The following MRPS25 variants were observed in gnomAD, a reference collection of about 807,000 sequenced individuals.
The protein encoded by MRPS25 is small ribosomal subunit protein mS25.
In MRPS25, 15 loss-of-function variants were observed where a neutral mutation model predicts 17.3. That is an observed-to-expected ratio of 0.87 (90% CI 0.58 to 1.34). The LOEUF (loss-of-function observed/expected upper bound fraction) is 1.34. Among genes scored for constraint, MRPS25 ranks in the 40% most tolerant of loss-of-function variants. The probability of loss-of-function intolerance (pLI) is 0.00; values close to 1 mark genes in which losing one functional copy is unlikely to be tolerated. For missense variants in MRPS25, 225 were observed against 218.6 expected, an observed-to-expected ratio of 1.03 and a Z score of -0.19; for synonymous variants, 94 against 83.3, an observed-to-expected ratio of 1.13 and a Z score of -0.70.
Position 15,050,751 on chromosome 3 carries a change from C to A in MRPS25, c.*1690G>T, listed in dbSNP as rs1037695236. On this transcript the variant is annotated 3_prime_UTR_variant, in exon 4 of 4. Transcript: ENST00000253686. ...CAAGGAACACCTGTCCATTATACATCAGTCTCTGCCCACCTTCCCCTCCCA... is the reference window on the plus strand; with the variant it reads ...CAAGGAACACCTGTCCATTATACATAAGTCTCTGCCCACCTTCCCCTCCCA... 3 of 985,348 alleles carry A rather than the reference C, an allele frequency of 3.0e-6. No homozygotes were observed. The African/African-American group carries it at 5.2e-5, about 17-fold the overall frequency. The allele number at this position is 985,348 out of a possible 1,614,324, so 61.0% of individuals were successfully genotyped here.
In MRPS25 at chr3:15,050,788, C is replaced by CCAT. The variant is rs1459244349; in HGVS notation, c.*1650_*1652dup. On this transcript the variant is annotated 3_prime_UTR_variant, in exon 4 of 4. Transcript: ENST00000253686. ...ACCTTCCCCTCCCACCCCCGACAAGCCATCACCCCAAACCCAGATCTGGTA... is the reference window on the plus strand; with the variant it reads ...ACCTTCCCCTCCCACCCCCGACAAGCCATCATCACCCCAAACCCAGATCTGGTA... 1 of 985,320 alleles carries CCAT rather than the reference C, an allele frequency of 1.0e-6. No individual in the cohort carries two copies. Among genetic ancestry groups the CCAT allele is most frequent in the African/African-American group, 1.7e-5 (1 of 57,226 alleles). 61.0% of individuals were successfully genotyped at this position (985,320 alleles called of 1,614,324 possible).
At chr3:15,061,658 C>T (rs1228989258) in intron 1 of MRPS25, among the ~76,000 whole-genome samples, 9 of 152,048 alleles carry the variant, frequency 5.9e-5, no homozygotes, top group Admixed American at 1.3e-4. Context: ...AAGTGAGGAG[C>T]GTCTCTGCCT....
intron 1 of MRPS25, among the ~76,000 whole-genome samples, chr3:15,060,084 T>C (rs1470738737): frequency 6.6e-6 from 1 of 151,958 alleles, no homozygotes; most frequent in Non-Finnish European, 1.5e-5. Flanking sequence ...TATCGTCCTG[T>C]ACAAAATTTG....
At chr3:15,058,984 T>G (rs2042708605) in intron 2 of MRPS25, among the ~76,000 whole-genome samples, 1 of 151,372 alleles carries the variant, frequency 6.6e-6, no homozygotes, top group African/African-American at 2.4e-5. Flanking sequence ...CAGGGAAGGC[T>G]TCCTAGAAGT....
chr3:15,043,297 G>GTTT (rs2042335740), downstream of MRPS25: 1 of 220,052 alleles, frequency 4.5e-6, no homozygotes, highest in Admixed American at 5.5e-5. Flanking sequence ...AAAAAAAAAG[G>GTTT]TTTTATAATG....
At position 15,060,660 on chromosome 3, in the gene MRPS25, A is replaced by G. The variant is rs2042740356; in HGVS notation, c.135-1185T>C. Among the ~76,000 whole-genome samples the G allele has an allele frequency of 2.6e-5, 4 of 152,080 alleles. No homozygotes were observed. In the South Asian group the frequency reaches 8.3e-4, roughly 32 times the overall value. ...CACTTTGGGAGGCCGAGGCGGGTGGATCACGAGGTCAGGAGATCGAGACCA... is the reference window on the plus strand; with the variant it reads ...CACTTTGGGAGGCCGAGGCGGGTGGGTCACGAGGTCAGGAGATCGAGACCA... On this transcript the variant is annotated intron_variant, in intron 1 of 3. Transcript: ENST00000253686.
At chr3:15,060,710 G>A (rs1028505937) in intron 1 of MRPS25, among the ~76,000 whole-genome samples, 12 of 151,854 alleles carry the variant, frequency 7.9e-5, no homozygotes, top group Admixed American at 5.9e-4. Flanking sequence ...GTGAAATGCC[G>A]TCTCTACTAA....
At chr3:15,061,773 C>T (rs556135784) in intron 1 of MRPS25, among the ~76,000 whole-genome samples, 3 of 150,468 alleles carry the variant, frequency 2.0e-5, no homozygotes, top group African/African-American at 4.9e-5. Flanking sequence ...ATGTGGGGAG[C>T]GCCTTTGCCC....
rs1404566095 is a variant in MRPS25, at chr3:15,051,110, TAA to T, written c.*1329_*1330del. On this transcript the variant is annotated 3_prime_UTR_variant, in exon 4 of 4. Coordinates refer to ENST00000253686, the MANE Select transcript of MRPS25 (RefSeq NM_022497.5). ...TTAACCACTGCCTTCCTGTCTCAGA[TAA>T]AGTCAGGTCTCCTTGGCTGAGTTTC... is the stretch of plus-strand genomic sequence containing the variant. The T allele has an allele frequency of 1.0e-6, 1 of 985,410 alleles. No individual in the cohort carries two copies. The highest frequency in any genetic ancestry group is 1.2e-6 in the Non-Finnish European group (1 of 829,912). 61.0% of individuals were successfully genotyped at this position (985,410 alleles called of 1,614,324 possible).
At chr3:15,054,287 A>G (rs1351952350) in intron 2 of MRPS25, among the ~76,000 whole-genome samples, 2 of 152,268 alleles carry the variant, frequency 1.3e-5, no homozygotes, top group African/African-American at 4.8e-5. Context: ...TGTAAGGTCA[A>G]TTGCTTTTCA....
rs772569104 is a variant in MRPS25, at chr3:15,048,981, A to AAATTT, written c.*3459_*3460insAAATT. 2.6e-5 allele frequency: 4 copies of AAATTT among 152,680 alleles called. No individual in the cohort carries two copies. Among genetic ancestry groups the AAATTT allele is most frequent in the Non-Finnish European group, 5.9e-5 (4 of 68,048 alleles). 9.5% of individuals were successfully genotyped at this position (152,680 alleles called of 1,614,324 possible). ...GCCATTACATTTTAATGCCAGGTTT[A>AAATTT]AAACCTGTTGAAAGCTGCAGCTTTA... On this transcript the variant is annotated 3_prime_UTR_variant, in exon 4 of 4. Transcript: ENST00000253686.
chr3:15,061,561 C>A (rs1487734722), intron 1 of MRPS25, among the ~76,000 whole-genome samples: 1 of 152,210 alleles, frequency 6.6e-6, no homozygotes, highest in African/African-American at 2.4e-5. Flanking sequence ...GATCTCGGCT[C>A]GCTATAGCCT....
chr3:15,050,018 TATAAA>T lies in MRPS25; in HGVS notation c.*2418_*2422del. On this transcript the variant is annotated 3_prime_UTR_variant, in exon 4 of 4. Transcript: ENST00000253686. Reference sequence around the variant, plus strand: ...GTAAAATTAAGAACATGTTATCAATTATAAAATCCTCACATTTTCTCTAATTAATT... The same window carrying T: ...GTAAAATTAAGAACATGTTATCAATTATCCTCACATTTTCTCTAATTAATT... 1 of 1,464,792 alleles carries T rather than the reference TATAAA, an allele frequency of 6.8e-7. No individual in the cohort carries two copies. 90.7% of individuals were successfully genotyped at this position (1,464,792 alleles called of 1,614,324 possible).
chr3:15,058,909 CAG>C (rs60028127), intron 2 of MRPS25, among the ~76,000 whole-genome samples: 1,668 of 152,070 alleles, frequency 0.011, 32 homozygotes, highest in African/African-American at 0.037. Context: ...ACGCAGTCCT[CAG>C]AGGACACACA....
chr3:15,056,159 G>A (rs2042670655), intron 2 of MRPS25, among the ~76,000 whole-genome samples: 2 of 151,232 alleles, frequency 1.3e-5, no homozygotes, highest in Admixed American at 6.6e-5. Context: ...AGCTTGCAGT[G>A]AGCCGAGATC....
rs1235887399 is a variant in MRPS25 at position 15,061,865 on chromosome 3, A to G, written c.135-2390T>C. 1.7e-4 allele frequency among the ~76,000 whole-genome samples: 25 copies of G among 143,202 alleles called. 2 individuals carry two copies. Among genetic ancestry groups the G allele is most frequent in the South Asian group, 1.6e-3 (7 of 4,420 alleles). 93.9% of individuals were successfully genotyped at this position (143,202 alleles called of 152,430 possible). On this transcript the variant is annotated intron_variant, in intron 1 of 3. Transcript: ENST00000253686. ...AGGTGAGGAGCATCTCTGCCCAGCC[A>G]CCCCGTCTGAGAAGGGAGGAGACCC...
At chr3:15,056,609 G>C (rs2042676891) in intron 2 of MRPS25, among the ~76,000 whole-genome samples, 1 of 152,174 alleles carries the variant, frequency 6.6e-6, no homozygotes, top group Non-Finnish European at 1.5e-5. Context: ...CTTTGAAGAT[G>C]GTAGAATAAG....
At chr3:15,053,280 G>A in intron 3 of MRPS25, 100 bp downstream of exon 3, 1 of 1,568,126 alleles carries the variant, frequency 6.4e-7, no homozygotes, top group Non-Finnish European at 8.7e-7. Context: ...TTCACTGTCA[G>A]AGAATCTTAC....
chr3:15,064,913 C>T, intron 1 of MRPS25, 148 bp downstream of exon 1: 1 of 1,016,230 alleles, frequency 9.8e-7, no homozygotes, highest in Non-Finnish European at 1.4e-6. Flanking sequence ...TCAGTCTGGA[C>T]CTCTGTAAAA....
Sources: gnomAD v4.1 joint callset for allele counts (sites outside exome capture counted in the v4.1 genomes callset) on GRCh38, gnomAD v4.1.1 for gene constraint, MANE v1.5 for transcripts, NCBI Gene and HGNC (gene_info 2026-07-23, HGNC 2026-07-21) for gene names.